MEI4: variants seen among roughly 807,000 people sequenced by gnomAD.
MEI4 encodes meiosis-specific protein MEI4.
A neutral mutation model predicts 31.4 loss-of-function variants in MEI4; 27 were observed. The ratio of observed to expected loss-of-function variants is 0.86; its 90% CI spans 0.63 to 1.19. The LOEUF is 1.19. MEI4 is among the 50% of genes most tolerant of loss of function. The pLI, the probability that MEI4 is intolerant of heterozygous loss-of-function variation, is 0.00. For missense variants in MEI4, 329 were observed against 398.9 expected (o/e 0.82, Z 1.49); for synonymous variants, 122 against 145.4 (o/e 0.84, Z 1.16).
intron 4 of MEI4, among the ~76,000 whole-genome samples, chr6:77,864,762 A>T (rs1180355378): frequency 1.3e-5 from 2 of 152,214 alleles, no homozygotes; most frequent in African/African-American, 4.8e-5. Flanking sequence ...CTCCACCCCA[A>T]ATCAACAGAA....
rs1247876878 is a variant in MEI4, at chr6:77,680,128, A to AAAAAAAAAAAAAAAAAAAAAAAAAAAAAT, written c.-14-10529_-14-10528insAAAAAAAAAAAAAAAAAAAAAAAAAAATA. Among the ~76,000 whole-genome samples the AAAAAAAAAAAAAAAAAAAAAAAAAAAAAT allele has an allele frequency of 4.6e-4, 53 of 115,530 alleles. 6 individuals carry two copies. The highest frequency in any genetic ancestry group is 5.3e-4 in the Non-Finnish European group (28 of 52,386). The allele number at this position is 115,530 out of a possible 152,430, so 75.8% of individuals were successfully genotyped here. A position where few individuals can be genotyped will look rare whatever the true frequency, so the allele number is the denominator to read the frequency against. On this transcript the variant is annotated intron_variant, in intron 1 of 4. Coordinates refer to ENST00000684080, the MANE Select transcript of MEI4 (RefSeq NM_001322247.2). Reference sequence around the variant, plus strand: ...CTACTAAAAATACAAAAAAAAAAAAAATTAGCTGGGCGTGATGGCGGGCGC... The same window carrying AAAAAAAAAAAAAAAAAAAAAAAAAAAAAT: ...CTACTAAAAATACAAAAAAAAAAAAAAAAAAAAAAAAAAAAAAAAAAAAAAAAATATTAGCTGGGCGTGATGGCGGGCGC...
At chr6:77,739,055 T>C (rs1767327848) in intron 2 of MEI4, among the ~76,000 whole-genome samples, 1 of 152,178 alleles carries the variant, frequency 6.6e-6, no homozygotes, top group African/African-American at 2.4e-5. Flanking sequence ...ATGATGATAA[T>C]TTCTTTTGCT....
chr6:77,739,064 C>A (rs1053895577), intron 2 of MEI4, among the ~76,000 whole-genome samples: 4 of 152,108 alleles, frequency 2.6e-5, no homozygotes, highest in Non-Finnish European at 5.9e-5. Flanking sequence ...ATTTCTTTTG[C>A]TGTCCAGCTC....
chr6:77,738,934 G>A (rs1767324673), intron 2 of MEI4, among the ~76,000 whole-genome samples: 1 of 152,046 alleles, frequency 6.6e-6, no homozygotes, highest in African/African-American at 2.4e-5. Context: ...TTTTTGATGG[G>A]GTTGTTTTTT....
intron 3 of MEI4, among the ~76,000 whole-genome samples, chr6:77,787,185 T>G (rs997041152): frequency 4.6e-5 from 7 of 152,184 alleles, no homozygotes; most frequent in Non-Finnish European, 8.8e-5. Flanking sequence ...CCAGTTCCTG[T>G]AAGCCATGTT....
chr6:77,905,441 T>C (rs993779975), intron 4 of MEI4, among the ~76,000 whole-genome samples: 5 of 150,446 alleles, frequency 3.3e-5, no homozygotes, highest in Admixed American at 1.3e-4. Flanking sequence ...TATCAGAAAA[T>C]TTATATCTTT....
chr6:77,746,044 C>T (rs1767592517), intron 2 of MEI4, among the ~76,000 whole-genome samples: 1 of 152,158 alleles, frequency 6.6e-6, no homozygotes, highest in African/African-American at 2.4e-5. Flanking sequence ...GACACCCTAA[C>T]ATCACAATTA....
At chr6:77,658,817 T>C (rs893528660) in intron 1 of MEI4, among the ~76,000 whole-genome samples, 1 of 152,104 alleles carries the variant, frequency 6.6e-6, no homozygotes, top group Admixed American at 6.5e-5. Flanking sequence ...ACCCAGGACA[T>C]CCAATTAGAG....
rs921146031 is a variant in MEI4 at position 77,847,850 on chromosome 6, G to A, written c.900+18788G>A. 2.0e-5 allele frequency among the ~76,000 whole-genome samples: 3 copies of A among 152,050 alleles called. No homozygotes were observed. The highest frequency in any genetic ancestry group is 7.2e-5 in the African/African-American group (3 of 41,396). On this transcript the variant is annotated intron_variant, in intron 4 of 4. Coordinates refer to ENST00000684080, the MANE Select transcript of MEI4 (RefSeq NM_001322247.2). This position sits in a 1 kb window ranked among gnomAD's most constrained non-coding sequence, Gnocchi z 4.6. ...GGATTTTCACTTTAAATAAAATGTA[G>A]TAATCTGTAATCAATAACTCTTACT...
intron 1 of MEI4, among the ~76,000 whole-genome samples, chr6:77,656,586 C>A (rs1015085398): frequency 6.6e-6 from 1 of 152,164 alleles, no homozygotes. Flanking sequence ...TAGTGCCTGG[C>A]ACAATCAATA....
upstream of MEI4, among the ~76,000 whole-genome samples, chr6:77,652,464 T>G (rs1233732140): frequency 2.0e-5 from 3 of 152,158 alleles, no homozygotes; most frequent in Non-Finnish European, 2.9e-5. Context: ...TTTTTCTTTT[T>G]TTAAAGCTGG....
intron 2 of MEI4, among the ~76,000 whole-genome samples, chr6:77,731,914 G>C (rs998035139): frequency 2.0e-5 from 3 of 151,340 alleles, no homozygotes; most frequent in African/African-American, 7.3e-5. Context: ...TTTTTGTCAG[G>C]TTTGTCAAAG....
intron 4 of MEI4, among the ~76,000 whole-genome samples, chr6:77,922,715 CAAA>C (rs1766733067): frequency 1.3e-5 from 2 of 151,580 alleles, no homozygotes; most frequent in Non-Finnish European, 1.5e-5. Context: ...TGTTTTATAT[CAAA>C]ATAAGTACCA....
intron 2 of MEI4, among the ~76,000 whole-genome samples, chr6:77,732,838 G>A (rs2127668566): frequency 6.6e-6 from 1 of 152,158 alleles, no homozygotes; most frequent in East Asian, 1.9e-4. Context: ...TTAGCATGAA[G>A]AGTTGTTGAA....
chr6:77,705,789 GTGAATTTTAAATTTAAGTGTGTGTGGGCA>G (rs1766317611), intron 2 of MEI4, among the ~76,000 whole-genome samples: 1 of 152,174 alleles, frequency 6.6e-6, no homozygotes, highest in African/African-American at 2.4e-5. Context: ...CACTGTTTAT[GTGAATTTTAAATTTAAGTGTGTGTGGGCA>G]TTTGTTAGCA....
intron 4 of MEI4, among the ~76,000 whole-genome samples, chr6:77,831,452 C>T (rs987684656): frequency 1.3e-5 from 2 of 150,200 alleles, no homozygotes; most frequent in Non-Finnish European, 3.0e-5. Context: ...TCACAGTAGC[C>T]GAGATATGAA....
intron 2 of MEI4, among the ~76,000 whole-genome samples, chr6:77,692,454 T>C (rs1390270836): frequency 2.0e-5 from 3 of 151,980 alleles, no homozygotes; most frequent in Admixed American, 6.6e-5. Context: ...ACCTGTTCAA[T>C]GAAAGAGGAA....
chr6:77,763,974 C>T (rs1030764239), intron 3 of MEI4, among the ~76,000 whole-genome samples: 1 of 152,002 alleles, frequency 6.6e-6, no homozygotes, highest in African/African-American at 2.4e-5. Context: ...CCACCATGCC[C>T]AGCTAATTTT....
rs184365088 is a variant in MEI4, at chr6:77,792,601, C to T, written c.768+30936C>T. On this transcript the variant is annotated intron_variant, in intron 3 of 4. Transcript: ENST00000684080. ...CCTATGTTTTCCTCTAGTAATTTTA[C>T]ATTTTTTGTCTTATGTTTAAATCTT... 2.0e-3 allele frequency among the ~76,000 whole-genome samples: 308 copies of T among 152,106 alleles called. 2 individuals are homozygous for T. The highest frequency in any genetic ancestry group is 2.4e-3 in the Non-Finnish European group (165 of 67,970).
Sources: gnomAD v4.1 joint callset for allele counts (sites outside exome capture counted in the v4.1 genomes callset) on GRCh38, gnomAD v4.1.1 for gene constraint, Gnocchi (gnomAD v3.1) non-coding constraint, MANE v1.5 for transcripts, NCBI Gene and HGNC (gene_info 2026-07-23, HGNC 2026-07-21) for gene names.